SKA1: variants seen among roughly 807,000 people sequenced by gnomAD.
The protein encoded by SKA1 is spindle and kinetochore associated complex subunit 1.
A neutral mutation model predicts 31.8 loss-of-function variants in SKA1; 20 were observed. The ratio of observed to expected loss-of-function variants is 0.63; its 90% CI spans 0.44 to 0.91. The LOEUF is 0.91. Ranked by LOEUF, SKA1 falls within the 40% of genes least tolerant of loss-of-function variation. The pLI, the probability that SKA1 is intolerant of heterozygous loss-of-function variation, is 0.00. For synonymous variants in SKA1, 88 were observed against 100.5 expected (o/e 0.88, Z 0.74); for missense variants, 253 against 298.2 (o/e 0.85, Z 1.12).
chr18:50,384,871 T>TAAAAAAAAAAAAAAAAAAAAA (rs10608403), intron 4 of SKA1, among the ~76,000 whole-genome samples: 6 of 82,598 alleles, frequency 7.3e-5, no homozygotes, highest in Non-Finnish European at 1.3e-4. Flanking sequence ...AAAAAAAAAT[T>TAAAAAAAAAAAAAAAAAAAAA]AAAAAAAAAA....
At chr18:50,386,660 C>A (rs375251865) in intron 5 of SKA1, among the ~76,000 whole-genome samples, 1 of 152,124 alleles carries the variant, frequency 6.6e-6, no homozygotes, top group Non-Finnish European at 1.5e-5. Flanking sequence ...TCTACCATTA[C>A]GGTATCATAC....
At chr18:50,387,892 TA>T (rs2041323718) in intron 5 of SKA1, among the ~76,000 whole-genome samples, 1 of 152,238 alleles carries the variant, frequency 6.6e-6, no homozygotes, top group Non-Finnish European at 1.5e-5. Flanking sequence ...TCTCAGCCTG[TA>T]TTTTTATCTT....
At chr18:50,386,611 T>C (rs185760934) in intron 5 of SKA1, among the ~76,000 whole-genome samples, 27 of 152,370 alleles carry the variant, frequency 1.8e-4, no homozygotes, top group African/African-American at 5.5e-4. Context: ...TTCTGTGTTG[T>C]ACCATCTATG....
At chr18:50,387,805 CAT>C (rs1274990845) in intron 5 of SKA1, among the ~76,000 whole-genome samples, 5 of 152,156 alleles carry the variant, frequency 3.3e-5, no homozygotes, top group Non-Finnish European at 7.3e-5. Context: ...GCATATTAAA[CAT>C]AGTTATTTGA....
In SKA1 at chr18:50,375,866, T is replaced by C. The variant is rs371755811; in HGVS notation, c.36T>C (p.His12=). ...CAGATCTGGAACAATTATGCTCTCA[T>C]GTTAATGAAAAGATTGGCAATATTA... ...ASSDLEQLCS[H]VNEKIGNIKK... is the part of the protein sequence containing the mutation. Residue 12 remains histidine, a synonymous_variant, in exon 2 of 7, where the codon CAT becomes CAC. Transcript: ENST00000285116. 2.5e-6 allele frequency: 4 copies of C among 1,611,796 alleles called. No individual in the cohort carries two copies. The highest frequency in any genetic ancestry group is 3.4e-6 in the Non-Finnish European group (4 of 1,179,194).
intron 6 of SKA1, among the ~76,000 whole-genome samples, 194 bp downstream of exon 6, chr18:50,391,487 A>G (rs1431549311): frequency 6.6e-6 from 1 of 152,122 alleles, no homozygotes; most frequent in Non-Finnish European, 1.5e-5. Flanking sequence ...CCTGGCATCT[A>G]GTAGGTAGAG....
In SKA1 at chr18:50,392,214, A is replaced by T. The variant is rs753883892; in HGVS notation, c.735A>T (p.Arg245=). 7.5e-6 allele frequency: 12 copies of T among 1,600,434 alleles called. No homozygotes were observed. In the Admixed American group the frequency reaches 2.0e-4, roughly 26 times the overall value. The part of the protein sequence containing the change: ...LRHCRRLSEV[R]GGGLTRYVIT ...ACTGCCGGAGGCTATCAGAGGTCCG[A>T]GGGGGAGGACTTACTCGTTATGTTA... Residue 245 remains arginine, a synonymous_variant, in exon 7 of 7, where the codon CGA becomes CGT. Transcript: ENST00000285116.
At chr18:50,380,494 G>A (rs1191383704) in intron 3 of SKA1, among the ~76,000 whole-genome samples, 1 of 152,118 alleles carries the variant, frequency 6.6e-6, no homozygotes, top group Non-Finnish European at 1.5e-5. Flanking sequence ...AATAATTCTT[G>A]GTAGCTTTAA....
At chr18:50,381,692 A>G (rs1317943534) in intron 3 of SKA1, among the ~76,000 whole-genome samples, 1 of 143,958 alleles carries the variant, frequency 6.9e-6, no homozygotes, top group Non-Finnish European at 1.5e-5. Flanking sequence ...TTTTCACTTC[A>G]TTCTGCATTT....
chr18:50,388,033 G>A (rs889743193), intron 5 of SKA1, among the ~76,000 whole-genome samples: 3 of 152,138 alleles, frequency 2.0e-5, no homozygotes, highest in Non-Finnish European at 4.4e-5. Flanking sequence ...TGGTTGCTAC[G>A]GTTGTAAATG....
chr18:50,380,353 T>G, intron 3 of SKA1, 103 bp downstream of exon 3: 1 of 1,222,626 alleles, frequency 8.2e-7, no homozygotes, highest in Non-Finnish European at 1.1e-6. Context: ...GTTTTTTGTT[T>G]ATAAATTATT....
chr18:50,389,375 C>CTTTTTTTTTTTTTTTTTTT (rs756288352), intron 5 of SKA1, among the ~76,000 whole-genome samples: 35 of 86,144 alleles, frequency 4.1e-4, no homozygotes, highest in African/African-American at 6.5e-4. Context: ...CTTTACCTTT[C>CTTTTTTTTTTTTTTTTTTT]TTTTTTTTTT....
chr18:50,380,105 T>C, intron 2 of SKA1, 21 bp from the exon 3 acceptor site: 2 of 1,487,266 alleles, frequency 1.3e-6, no homozygotes, highest in Non-Finnish European at 1.8e-6. Context: ...TTGTTTTCTA[T>C]TTTATTTTTG....
At position 50,385,362 on chromosome 18, in the gene SKA1, T is replaced by G; in HGVS notation, c.449+9T>G. 6.3e-7 allele frequency: 1 copy of G among 1,582,456 alleles called. No individual in the cohort carries two copies. Among genetic ancestry groups the G allele is most frequent in the Admixed American group, 1.8e-5 (1 of 55,674 alleles). The stretch of plus-strand genomic sequence containing the variant: ...TTCAATGGTGTTCCTTCGTAAGTAT[T>G]TAAGATAAATAATGTTCAACCCCTT... On this transcript the variant is annotated intron_variant, in intron 5 of 6. Transcript: ENST00000285116.
At chr18:50,379,520 T>C (rs2041247170) in intron 2 of SKA1, among the ~76,000 whole-genome samples, 1 of 152,256 alleles carries the variant, frequency 6.6e-6, no homozygotes, top group Non-Finnish European at 1.5e-5. Context: ...CTTATTTCTC[T>C]GGTGAGTGAT....
At chr18:50,391,438 C>A in intron 6 of SKA1, 145 bp downstream of exon 6, 2 of 860,132 alleles carry the variant, frequency 2.3e-6, no homozygotes, top group Non-Finnish European at 3.3e-6. Flanking sequence ...GACATTTTAC[C>A]ATGTCTGGAG....
At chr18:50,384,397 A>G (rs75660552) in intron 4 of SKA1, among the ~76,000 whole-genome samples, 77 of 152,206 alleles carry the variant, frequency 5.1e-4, no homozygotes, top group East Asian at 1.4e-3. Flanking sequence ...CCTAGAAGCT[A>G]TAGTGTGTTT....
In SKA1 at chr18:50,393,168, T is replaced by C. The variant is rs1164264774; in HGVS notation, c.*921T>C. 1.3e-5 allele frequency: 2 copies of C among 152,238 alleles called. No homozygotes were observed. The highest frequency in any genetic ancestry group is 2.9e-5 in the Non-Finnish European group (2 of 68,082). 9.4% of individuals were successfully genotyped at this position (152,238 alleles called of 1,614,324 possible). ...GTTGAGTGAACAATGCTGCAGACCC[T>C]AATAAGATTGGGTACAGATCGGCAT... On this transcript the variant is annotated 3_prime_UTR_variant, in exon 7 of 7. Transcript: ENST00000285116.
intron 2 of SKA1, among the ~76,000 whole-genome samples, chr18:50,378,894 A>ACTT (rs1568327938): frequency 6.6e-6 from 1 of 151,658 alleles, no homozygotes; most frequent in Admixed American, 6.6e-5. Flanking sequence ...AGAATGATAT[A>ACTT]CTCATGATGA....
Sources: gnomAD v4.1 joint callset for allele counts (sites outside exome capture counted in the v4.1 genomes callset) on GRCh38, gnomAD v4.1.1 for gene constraint, MANE v1.5 for transcripts, NCBI Gene and HGNC (gene_info 2026-07-23, HGNC 2026-07-21) for gene names.